Variants in ITGAV observed in about 807,000 individuals in gnomAD.
ITGAV encodes integrin alpha-V.
A neutral mutation model predicts 143.8 loss-of-function variants in ITGAV; 76 were observed. The ratio of observed to expected loss-of-function variants is 0.53; its 90% CI spans 0.44 to 0.64. The LOEUF (loss-of-function observed/expected upper bound fraction) is 0.64. Among genes scored for constraint, ITGAV ranks in the 30% least tolerant of loss-of-function variants. ITGAV has a pLI of 0.00. For missense variants in ITGAV, 1,193 were observed against 1,274.7 expected (o/e 0.94, Z 0.98); for synonymous variants, 453 against 446.7 (o/e 1.01, Z -0.18).
chr2:186,622,413 A>ACCT lies in ITGAV; in HGVS notation c.391_392insCCT (p.Lys131delinsThrTer), dbSNP rs762770151. 6.2e-7 allele frequency: 1 copy of ACCT among 1,612,380 alleles called. No homozygotes were observed. Among genetic ancestry groups the ACCT allele is most frequent in the East Asian group, 2.2e-5 (1 of 44,850 alleles). Reference sequence around the variant, plus strand: ...GTGGTTTGGAGCATCTGTGAGGTCGAAACAGGATAAAATTTTGGTGAGTCT... The same window carrying ACCT: ...GTGGTTTGGAGCATCTGTGAGGTCGACCTAACAGGATAAAATTTTGGTGAGTCT... On this transcript the variant is annotated stop_gained and protein_altering_variant, in exon 3 of 30. Transcript: ENST00000261023. LOFTEE classifies it high-confidence loss of function.
chr2:186,617,094 A>C (rs576866961), intron 2 of ITGAV, among the ~76,000 whole-genome samples: 22 of 152,086 alleles, frequency 1.4e-4, no homozygotes, highest in African/African-American at 5.1e-4. Context: ...TATTCATAAA[A>C]GTCATAGTGA....
intron 2 of ITGAV, among the ~76,000 whole-genome samples, chr2:186,605,961 C>T (rs1687056171): frequency 6.6e-6 from 1 of 151,394 alleles, no homozygotes; most frequent in Non-Finnish European, 1.5e-5. Flanking sequence ...GAGACCTCCC[C>T]AGTGGAAAAA....
intron 18 of ITGAV, among the ~76,000 whole-genome samples, chr2:186,662,378 C>T (rs189136624): frequency 9.2e-5 from 14 of 151,986 alleles, no homozygotes; most frequent in Admixed American, 2.6e-4. Context: ...CAAATTAAAA[C>T]GACAGTTACG....
chr2:186,639,180 G>T (rs1392115931), intron 10 of ITGAV, among the ~76,000 whole-genome samples: 1 of 152,038 alleles, frequency 6.6e-6, no homozygotes, highest in Non-Finnish European at 1.5e-5. Flanking sequence ...GCGAGTACAG[G>T]CATTTTATAA....
intron 26 of ITGAV, 115 bp from the exon 27 acceptor site, chr2:186,675,489 G>A: frequency 1.4e-6 from 1 of 691,740 alleles, no homozygotes; most frequent in Non-Finnish European, 2.6e-6. Context: ...CAAGACAGAA[G>A]AATCTGGATA....
intron 1 of ITGAV, among the ~76,000 whole-genome samples, chr2:186,593,687 A>T (rs942076922): frequency 3.3e-5 from 5 of 152,074 alleles, no homozygotes; most frequent in African/African-American, 1.2e-4. Flanking sequence ...AGCCCACACC[A>T]CCGGGGGGAA....
chr2:186,628,802 T>C (rs180985610), intron 4 of ITGAV, among the ~76,000 whole-genome samples: 1 of 152,232 alleles, frequency 6.6e-6, no homozygotes, highest in African/African-American at 2.4e-5. Context: ...CTAGTTGGCT[T>C]TTCCTTTCCT....
At chr2:186,638,345 T>A (rs748968952) in intron 9 of ITGAV, 25 bp downstream of exon 9, 39 of 1,611,706 alleles carry the variant, frequency 2.4e-5, no homozygotes, top group Middle Eastern at 1.6e-4. Flanking sequence ...AGGTATTTTT[T>A]AAAAAATCTC....
rs746980839 is a variant in ITGAV at position 186,602,023 on chromosome 2, G to A, written c.188G>A (p.Arg63Gln). The A allele has an allele frequency of 3.6e-5, 57 of 1,604,286 alleles. No individual in the cohort carries two copies. Among genetic ancestry groups the A allele is most frequent in the South Asian group, 9.0e-5 (8 of 88,582 alleles). ...VDFFVPSASS[R>Q]MFLLVGAPKA... ...GGTCTGCCGCTTTTGTATTTTAGCC[G>A]GATGTTTCTTCTCGTGGGAGCTCCC... Residue 63 changes from arginine to glutamine, a missense_variant and splice_region_variant, in exon 2 of 30, where the codon CGG becomes CAG. Arg to Gln is a conservative substitution (Grantham distance 43, BLOSUM62 1). Coordinates refer to ENST00000261023, the MANE Select transcript of ITGAV (RefSeq NM_002210.5).
At chr2:186,612,938 A>G (rs1687255255) in intron 2 of ITGAV, among the ~76,000 whole-genome samples, 2 of 152,212 alleles carry the variant, frequency 1.3e-5, no homozygotes, top group African/African-American at 4.8e-5. Flanking sequence ...CCCCTGTTAC[A>G]GAATTACACA....
At chr2:186,660,618 T>G (rs961930605) in intron 18 of ITGAV, 10 of 152,186 alleles carry the variant, frequency 6.6e-5, no homozygotes, top group Non-Finnish European at 1.3e-4. Context: ...ATTGTAATTT[T>G]TAATTTGTAA....
intron 12 of ITGAV, 27 bp from the exon 13 acceptor site, chr2:186,646,658 CT>C: frequency 6.5e-7 from 1 of 1,528,898 alleles, no homozygotes. Context: ...TGTCATTCTC[CT>C]TCCCCCTCCT....
intron 3 of ITGAV, among the ~76,000 whole-genome samples, chr2:186,624,630 A>T (rs1012172572): frequency 3.3e-5 from 5 of 152,236 alleles, no homozygotes; most frequent in Admixed American, 3.3e-4. Flanking sequence ...TAGAAAATCA[A>T]TTAAACCTTT....
intron 2 of ITGAV, among the ~76,000 whole-genome samples, chr2:186,616,942 G>A (rs1687380918): frequency 1.3e-5 from 2 of 150,984 alleles, no homozygotes; most frequent in African/African-American, 4.9e-5. Flanking sequence ...CTAAACAAGT[G>A]ATGTTTGAAG....
intron 14 of ITGAV, among the ~76,000 whole-genome samples, chr2:186,650,925 A>G (rs937696526): frequency 6.6e-6 from 1 of 152,144 alleles, no homozygotes; most frequent in Admixed American, 6.5e-5. Flanking sequence ...CTGGGTTTAC[A>G]TTTTCCTATA....
intron 2 of ITGAV, among the ~76,000 whole-genome samples, chr2:186,612,886 T>G (rs1225490004): frequency 6.6e-6 from 1 of 152,190 alleles, no homozygotes; most frequent in Non-Finnish European, 1.5e-5. Flanking sequence ...ATACTAAGGA[T>G]TTTTTAAAAA....
chr2:186,609,354 G>A (rs1687153530), intron 2 of ITGAV, among the ~76,000 whole-genome samples: 1 of 152,078 alleles, frequency 6.6e-6, no homozygotes, highest in African/African-American at 2.4e-5. Context: ...ACATACACTA[G>A]TAGCTAATTA....
intron 12 of ITGAV, among the ~76,000 whole-genome samples, chr2:186,643,579 C>T (rs776132544): frequency 7.9e-5 from 12 of 152,098 alleles, no homozygotes; most frequent in Admixed American, 2.0e-4. Flanking sequence ...TTCCTATATT[C>T]CTCTCTTTCC....
At position 186,646,699 on chromosome 2, in the gene ITGAV, TG is replaced by T; in HGVS notation, c.1174del (p.Ala392LeufsTer22). ...TTTTCCCCACAGATATTGCAATTGC[TG>T]CTCCATATGGGGGTGAAGATAAAAA... ...QDGFNDIAIA[A>X]PYGGEDKKGI... On this transcript the variant is annotated frameshift_variant, in exon 13 of 30. Coordinates refer to ENST00000261023, the MANE Select transcript of ITGAV (RefSeq NM_002210.5). LOFTEE classifies it high-confidence loss of function. The T allele has an allele frequency of 6.4e-7, 1 of 1,567,582 alleles. No homozygotes were observed. The highest frequency in any genetic ancestry group is 8.7e-7 in the Non-Finnish European group (1 of 1,148,702).
Sources: allele counts gnomAD v4.1 joint callset (sites outside exome capture counted in the v4.1 genomes callset), GRCh38; gene constraint gnomAD v4.1.1; transcripts MANE v1.5; gene names NCBI Gene and HGNC (gene_info 2026-07-23, HGNC 2026-07-21).